The following NRXN1 variants were observed in gnomAD, a reference collection of about 807,000 sequenced individuals.
The protein encoded by NRXN1 is neurexin-1.
Under a neutral mutation model 150.9 loss-of-function variants are expected in NRXN1, and 39 were observed. The ratio of observed to expected loss-of-function variants is 0.26; its 90% CI spans 0.20 to 0.34. NRXN1 has a LOEUF of 0.34. Ranked by LOEUF, NRXN1 falls within the 10% of genes least tolerant of loss-of-function variation. The pLI is 1.00. For missense variants in NRXN1, 1,815 were observed against 1,949.9 expected, an observed-to-expected ratio of 0.93 and a Z score of 1.30; for synonymous variants, 924 against 757.0, an observed-to-expected ratio of 1.22 and a Z score of -3.62.
Position 51,028,194 on chromosome 2 carries a change from A to G in NRXN1, c.80T>C (p.Leu27Pro). 1.3e-6 allele frequency: 2 copies of G among 1,495,492 alleles called. No homozygotes were observed. Among genetic ancestry groups the G allele is most frequent in the Non-Finnish European group, 1.8e-6 (2 of 1,128,312 alleles). 92.6% of individuals were successfully genotyped at this position (1,495,492 alleles called of 1,614,324 possible). The change falls in exon 2 of 23, where the codon CTG becomes CCG. Residue 27 changes from leucine (L) to proline (P), a missense_variant. By Grantham distance (98) the Leu-to-Pro change is moderately conservative. Around this residue, in one of 6 missense-constraint regions of NRXN1, gnomAD observed 554 missense variants for 478.8 expected, o/e 1.16. Coordinates refer to ENST00000401669, the MANE Select transcript of NRXN1 (RefSeq NM_001330078.2). ...GCCCGGAAACTCCAGCCCGCTGCCC[A>G]GCTCCGCCCAGCAGCCCAGGAGCAG... is the stretch of plus-strand genomic sequence containing the variant. ...SLLLLGCWAE[L>P]GSGLEFPGAE...
chr2:50,651,461 T>G (rs1463169562), intron 5 of NRXN1, among the ~76,000 whole-genome samples: 1 of 149,354 alleles, frequency 6.7e-6, no homozygotes, highest in East Asian at 2.0e-4. Context: ...AAAAATAACA[T>G]AACATAACGT....
intron 18 of NRXN1, among the ~76,000 whole-genome samples, chr2:50,098,306 C>T (rs988066534): frequency 3.2e-4 from 49 of 152,058 alleles, no homozygotes; most frequent in African/African-American, 1.1e-3. Context: ...GAAGGTAAAT[C>T]GTGCATGCAA....
At chr2:50,203,789 T>C (rs2152836191) in intron 18 of NRXN1, among the ~76,000 whole-genome samples, 1 of 152,280 alleles carries the variant, frequency 6.6e-6, no homozygotes, top group East Asian at 1.9e-4. Context: ...ACAAAATCAA[T>C]AGTTCTTTTC....
intron 10 of NRXN1, among the ~76,000 whole-genome samples, chr2:50,536,837 A>T (rs1397788217): frequency 1.3e-5 from 2 of 152,228 alleles, no homozygotes; most frequent in Non-Finnish European, 2.9e-5. Flanking sequence ...AATATACACC[A>T]TACTAACTAA....
chr2:51,029,504 A>G (rs1336709184), intron 1 of NRXN1, among the ~76,000 whole-genome samples: 2 of 152,238 alleles, frequency 1.3e-5, no homozygotes, highest in African/African-American at 4.8e-5. Flanking sequence ...AATTTTTAAA[A>G]TATGTGAGGG....
At chr2:50,682,145 G>A (rs1255243549) in intron 5 of NRXN1, among the ~76,000 whole-genome samples, 1 of 152,080 alleles carries the variant, frequency 6.6e-6, no homozygotes, top group Non-Finnish European at 1.5e-5. Context: ...ATTCACACCT[G>A]GATTAATTAA....
chr2:49,921,740 CTGTTTTT>C lies in NRXN1; in HGVS notation c.*197_*203del, dbSNP rs549118775. On this transcript the variant is annotated 3_prime_UTR_variant, in exon 23 of 23. Transcript: ENST00000401669. The stretch of plus-strand genomic sequence containing the variant: ...TGGATGTTAGGGAATTTATTGGCCC[CTGTTTTT>C]TGTTTTTTGTTTTTCTTTTTTGAGA... 179 of 581,036 alleles carry C rather than the reference CTGTTTTT, an allele frequency of 3.1e-4. 1 individual carries two copies. Among genetic ancestry groups the C allele is most frequent in the South Asian group, 2.4e-3 (109 of 44,516 alleles). The allele number at this position is 581,036 out of a possible 1,614,324, so 36.0% of individuals were successfully genotyped here.
chr2:50,646,708 CTT>C (rs552231598), intron 5 of NRXN1, among the ~76,000 whole-genome samples: 2,156 of 107,332 alleles, frequency 0.02, 18 homozygotes, highest in Middle Eastern at 0.037. Flanking sequence ...TTCATGTTGT[CTT>C]TTTTTTTTTT....
At chr2:50,599,984 T>C (rs188820364) in intron 8 of NRXN1, among the ~76,000 whole-genome samples, 1 of 152,234 alleles carries the variant, frequency 6.6e-6, no homozygotes, top group East Asian at 1.9e-4. Flanking sequence ...AATTGATTGC[T>C]TATATTAGAA....
At chr2:50,361,968 C>A (rs552789749) in intron 17 of NRXN1, among the ~76,000 whole-genome samples, 1 of 152,266 alleles carries the variant, frequency 6.6e-6, no homozygotes, top group Admixed American at 6.5e-5. Flanking sequence ...TAAATTTAAT[C>A]CATCACATAA....
At chr2:50,041,457 T>C (rs923663906) in intron 21 of NRXN1, among the ~76,000 whole-genome samples, 3 of 152,148 alleles carry the variant, frequency 2.0e-5, no homozygotes, top group Non-Finnish European at 4.4e-5. Context: ...TGCAAACTGG[T>C]TCTGTAATCA....
At chr2:49,953,533 T>C (rs1297206921) in intron 21 of NRXN1, among the ~76,000 whole-genome samples, 4 of 152,108 alleles carry the variant, frequency 2.6e-5, no homozygotes, top group Non-Finnish European at 5.9e-5. Flanking sequence ...GTTTAATTTA[T>C]ACTATGCTGA....
At chr2:49,954,408 C>T (rs573318144) in intron 21 of NRXN1, among the ~76,000 whole-genome samples, 1 of 152,274 alleles carries the variant, frequency 6.6e-6, no homozygotes, top group South Asian at 2.1e-4. Context: ...GATACTTGAG[C>T]TCTCTCTAAA....
chr2:50,944,983 T>C (rs1468535664), intron 2 of NRXN1, among the ~76,000 whole-genome samples: 2 of 152,194 alleles, frequency 1.3e-5, no homozygotes, highest in African/African-American at 2.4e-5. Flanking sequence ...TTACATACTA[T>C]AAACTCAGAC....
At chr2:50,628,631 T>G (rs1681640309) in intron 5 of NRXN1, among the ~76,000 whole-genome samples, 1 of 151,790 alleles carries the variant, frequency 6.6e-6, no homozygotes, top group Non-Finnish European at 1.5e-5. Flanking sequence ...AGTGTTTACA[T>G]ATGTGTTTCT....
chr2:50,386,585 T>G (rs1166504511), intron 17 of NRXN1, among the ~76,000 whole-genome samples: 5 of 149,476 alleles, frequency 3.3e-5, no homozygotes. Flanking sequence ...ACCCCCAAAT[T>G]GAGACCTTCA....
intron 5 of NRXN1, among the ~76,000 whole-genome samples, chr2:50,716,351 G>A (rs960288131): frequency 5.3e-5 from 8 of 151,948 alleles, no homozygotes; most frequent in East Asian, 1.9e-4. Flanking sequence ...TTAGGAAGCC[G>A]CAATCTACAG....
intron 5 of NRXN1, among the ~76,000 whole-genome samples, chr2:50,742,402 G>T (rs1311124084): frequency 6.6e-6 from 1 of 151,764 alleles, no homozygotes; most frequent in Non-Finnish European, 1.5e-5. Context: ...GAGGCAGGTG[G>T]ATCACAAAGT....
intron 5 of NRXN1, among the ~76,000 whole-genome samples, chr2:50,701,992 C>G (rs1027423677): frequency 1.3e-5 from 2 of 152,066 alleles, no homozygotes; most frequent in African/African-American, 4.8e-5. Flanking sequence ...GTAATAACTT[C>G]TGTATCTTTA....
Sources: allele counts gnomAD v4.1 joint callset (sites outside exome capture counted in the v4.1 genomes callset), GRCh38; gene constraint gnomAD v4.1.1; regional missense constraint gnomAD v4.1.1; transcripts MANE v1.5; gene names NCBI Gene and HGNC (gene_info 2026-07-23, HGNC 2026-07-21).